The following NCALD variants were observed in gnomAD, a reference collection of about 807,000 sequenced individuals.
The protein encoded by NCALD is neurocalcin-delta.
NCALD carries 10 observed loss-of-function variants against 18.6 expected under a neutral mutation model. The ratio of observed to expected loss-of-function variants is 0.54; its 90% CI spans 0.33 to 0.91. The LOEUF (loss-of-function observed/expected upper bound fraction) is 0.91, where lower values mean the gene tolerates loss of function less well. NCALD is among the 40% of genes least tolerant of loss of function. The pLI is 0.03. For synonymous variants in NCALD, 88 were observed against 87.4 expected (o/e 1.01, Z -0.04); for missense variants, 184 against 247.6 (o/e 0.74, Z 1.72).
chr8:102,096,353 C>A (rs1369982575), intron 1 of NCALD, among the ~76,000 whole-genome samples: 2 of 152,158 alleles, frequency 1.3e-5, no homozygotes, highest in Admixed American at 6.5e-5. Context: ...GATAAGGACA[C>A]CAGTATTGGA....
intron 2 of NCALD, among the ~76,000 whole-genome samples, chr8:102,013,031 A>G (rs985863670): frequency 1.3e-5 from 2 of 152,170 alleles, no homozygotes; most frequent in African/African-American, 2.4e-5. Flanking sequence ...ACATACATAC[A>G]TAAGTATTAG....
At chr8:102,054,990 G>T (rs1823600264) in intron 1 of NCALD, among the ~76,000 whole-genome samples, 1 of 151,950 alleles carries the variant, frequency 6.6e-6, no homozygotes, top group African/African-American at 2.4e-5. Context: ...TGGACAGAGG[G>T]CACTCTCTCA....
At chr8:102,027,632 AT>A (rs993434980) in intron 1 of NCALD, among the ~76,000 whole-genome samples, 2 of 152,088 alleles carry the variant, frequency 1.3e-5, no homozygotes, top group African/African-American at 4.8e-5. Flanking sequence ...TGGTTCCCTC[AT>A]TTTTGGGTAT....
chr8:102,022,871 T>G (rs907112173), intron 1 of NCALD, among the ~76,000 whole-genome samples: 3 of 152,040 alleles, frequency 2.0e-5, no homozygotes, highest in African/African-American at 7.2e-5. Context: ...AGCCAGTAAA[T>G]GGTAAGCACC....
intron 1 of NCALD, among the ~76,000 whole-genome samples, chr8:102,088,952 T>C (rs2132364194): frequency 6.6e-6 from 1 of 152,338 alleles, no homozygotes; most frequent in East Asian, 1.9e-4. Context: ...TGATTCCCTC[T>C]TTTTAGGATC....
chr8:101,772,804 T>C, intron 1 of NCALD, among the ~76,000 whole-genome samples: 1 of 152,128 alleles, frequency 6.6e-6, no homozygotes, highest in African/African-American at 2.4e-5. Flanking sequence ...TGGGACAACA[T>C]TTGGTTCACC....
intron 4 of NCALD, among the ~76,000 whole-genome samples, chr8:101,886,874 A>T (rs1161155916): frequency 1.3e-5 from 2 of 152,168 alleles, no homozygotes; most frequent in Non-Finnish European, 2.9e-5. Context: ...AATCTCTTGT[A>T]CTTAAATAAG....
intron 2 of NCALD, among the ~76,000 whole-genome samples, chr8:101,944,201 T>C (rs1819077408): frequency 6.6e-6 from 1 of 152,084 alleles, no homozygotes; most frequent in South Asian, 2.1e-4. Flanking sequence ...ATCACCCTTT[T>C]TGAGAGAGTC....
At chr8:101,778,941 C>G (rs1179080281) in intron 1 of NCALD, among the ~76,000 whole-genome samples, 1 of 151,990 alleles carries the variant, frequency 6.6e-6, no homozygotes, top group Admixed American at 6.6e-5. Flanking sequence ...CCAAGTACAA[C>G]AAGAAAATCC....
intron 2 of NCALD, among the ~76,000 whole-genome samples, chr8:102,009,373 G>T (rs1370361790): frequency 8.5e-5 from 13 of 152,186 alleles, no homozygotes; most frequent in Admixed American, 8.5e-4. Flanking sequence ...GAAGGGGAGA[G>T]GTTGCCTGTG....
chr8:101,888,498 A>T (rs1816755022), intron 3 of NCALD, among the ~76,000 whole-genome samples: 1 of 151,956 alleles, frequency 6.6e-6, no homozygotes, highest in Admixed American at 6.6e-5. Context: ...GCTCAGTGTA[A>T]CCTCAAACTT....
rs952258813 is a variant in NCALD at position 102,042,990 on chromosome 8, C to T, written c.-209-22701G>A. ...GTGGAAGAGCCAGATGCAGTCCAGT[C>T]TTGTATGTAAAAGGAAGAGGAGAAC... On this transcript the variant is annotated intron_variant, in intron 1 of 6. Coordinates refer to the NCALD transcript ENST00000311028. 3.9e-5 allele frequency among the ~76,000 whole-genome samples: 6 copies of T among 151,956 alleles called. No individual in the cohort carries two copies. In the East Asian group the frequency reaches 5.8e-4, roughly 15 times the overall value.
chr8:101,729,608 T>A (rs1816727147), intron 1 of NCALD, among the ~76,000 whole-genome samples: 1 of 152,136 alleles, frequency 6.6e-6, no homozygotes, highest in Admixed American at 6.5e-5. Flanking sequence ...GGGTTTGAGA[T>A]GAGAACTGAA....
intron 2 of NCALD, among the ~76,000 whole-genome samples, chr8:101,969,124 G>T (rs1459833516): frequency 2.0e-5 from 3 of 152,168 alleles, no homozygotes; most frequent in Admixed American, 6.5e-5. Context: ...CACACCACCT[G>T]TCTCCATTAA....
intron 1 of NCALD, among the ~76,000 whole-genome samples, chr8:101,767,815 G>A (rs1171506333): frequency 3.3e-5 from 5 of 152,206 alleles, no homozygotes; most frequent in Non-Finnish European, 7.3e-5. Context: ...GGCTTTGCCT[G>A]TGGCCTGACC....
chr8:101,710,030 C>T (rs1815710679), intron 2 of NCALD, among the ~76,000 whole-genome samples: 1 of 152,220 alleles, frequency 6.6e-6, no homozygotes, highest in South Asian at 2.1e-4. Context: ...CCCAGCAAGA[C>T]CAACGCAGAA....
At chr8:101,998,530 C>G (rs528173489) in intron 2 of NCALD, among the ~76,000 whole-genome samples, 2 of 152,146 alleles carry the variant, frequency 1.3e-5, no homozygotes, top group Non-Finnish European at 1.5e-5. Flanking sequence ...CTACCCTCTC[C>G]ACTTCTCTGC....
At chr8:101,704,478 G>A (rs539253354) in intron 2 of NCALD, among the ~76,000 whole-genome samples, 4 of 152,264 alleles carry the variant, frequency 2.6e-5, no homozygotes, top group African/African-American at 9.6e-5. Flanking sequence ...GTGAGAGGCC[G>A]CGGTGACTTC....
chr8:101,719,319 G>A lies in NCALD; in HGVS notation c.311C>T (p.Ala104Val). 1 of 1,614,090 alleles carries A rather than the reference G, an allele frequency of 6.2e-7. No individual in the cohort carries two copies. The highest frequency in any genetic ancestry group is 8.5e-7 in the Non-Finnish European group (1 of 1,179,990). Residue 104 changes from alanine (A) to valine (V), a missense_variant, in exon 2 of 4, where the codon GCC (alanine) becomes GTC (valine). Physicochemically the swap from Ala to Val is moderately conservative, Grantham distance 64. Coordinates refer to ENST00000220931, the MANE Select transcript of NCALD (RefSeq NM_032041.3). Reference protein sequence around the residue: ...RGKLEQKLKWAFSMYDLDGNG... With the variant: ...RGKLEQKLKWVFSMYDLDGNG... Reference sequence around the variant, plus strand: ...TCCGTCCAGGTCGTACATGCTGAAGGCCCATTTCAGCTTCTGCTCCAGCTT... The same window carrying A: ...TCCGTCCAGGTCGTACATGCTGAAGACCCATTTCAGCTTCTGCTCCAGCTT...
Sources: gnomAD v4.1 joint callset for allele counts (sites outside exome capture counted in the v4.1 genomes callset) on GRCh38, gnomAD v4.1.1 for gene constraint, MANE v1.5 for transcripts, NCBI Gene and HGNC (gene_info 2026-07-23, HGNC 2026-07-21) for gene names.